Variants in ODR4 observed in about 807,000 individuals in gnomAD.
The protein encoded by ODR4 is odr-4 GPCR localization factor homolog.
In ODR4, 47 loss-of-function variants were observed where a neutral mutation model predicts 60.2. That is an observed-to-expected ratio of 0.78 (90% CI 0.62 to 1.00). The LOEUF (loss-of-function observed/expected upper bound fraction) is 1.00, where lower values mean the gene tolerates loss of function less well. Ranked by LOEUF, ODR4 falls within the 50% of genes least tolerant of loss-of-function variation. The probability of loss-of-function intolerance (pLI) is 0.00; values close to 1 mark genes in which losing one functional copy is unlikely to be tolerated. For missense variants in ODR4, 488 were observed against 530.8 expected, an observed-to-expected ratio of 0.92 and a Z score of 0.79; for synonymous variants, 178 against 175.5, an observed-to-expected ratio of 1.01 and a Z score of -0.11.
At position 186,393,936 on chromosome 1, in the gene ODR4, T is replaced by C; in HGVS notation, c.712-11T>C. On this transcript the variant is annotated splice_polypyrimidine_tract_variant and intron_variant, in intron 8 of 13. Coordinates refer to ENST00000287859, the MANE Select transcript of ODR4 (RefSeq NM_017847.6). ...TCACAGTTTGGCTTTTTAACTTTTG[T>C]GTTTTTTCAGAAAAAATCTTCTAGA... is the stretch of plus-strand genomic sequence containing the variant. 6.8e-7 allele frequency: 1 copy of C among 1,477,432 alleles called. No homozygotes were observed. The highest frequency in any genetic ancestry group is 1.2e-5 in the South Asian group (1 of 81,568). The allele number at this position is 1,477,432 out of a possible 1,614,324, so 91.5% of individuals were successfully genotyped here. A position where few individuals can be genotyped will look rare whatever the true frequency, so the allele number is the denominator to read the frequency against.
chr1:186,391,987 C>T (rs995220872), intron 8 of ODR4, among the ~76,000 whole-genome samples, 196 bp downstream of exon 8: 1 of 152,070 alleles, frequency 6.6e-6, no homozygotes, highest in Non-Finnish European at 1.5e-5. Context: ...TATGAACAGA[C>T]ACTTTTCAAA....
At chr1:186,398,798 T>C (rs1428541117) in intron 10 of ODR4, among the ~76,000 whole-genome samples, 156 bp from the exon 11 acceptor site, 1 of 152,198 alleles carries the variant, frequency 6.6e-6, no homozygotes, top group Non-Finnish European at 1.5e-5. Context: ...TGTTAATAAG[T>C]GTGCTAAATA....
At chr1:186,386,994 G>C (rs1660276837) in intron 4 of ODR4, among the ~76,000 whole-genome samples, 1 of 152,116 alleles carries the variant, frequency 6.6e-6, no homozygotes. Flanking sequence ...AGCTCTTTTA[G>C]CATTCAGGAT....
rs1365175478 is a variant in ODR4, at chr1:186,382,994, T to A, written c.100-28T>A. Reference sequence around the variant, plus strand: ...TAGATTGAGGAATCAGATATCACTCTAACAAGCTTTTTAATTTGTTGTTGA... The same window carrying A: ...TAGATTGAGGAATCAGATATCACTCAAACAAGCTTTTTAATTTGTTGTTGA... On this transcript the variant is annotated intron_variant, in intron 2 of 13. Transcript: ENST00000287859. 1.9e-6 allele frequency: 3 copies of A among 1,566,174 alleles called. No homozygotes were observed. In the South Asian group the frequency reaches 3.6e-5, roughly 19 times the overall value.
chr1:186,423,534 G>A (rs572498315), downstream of ODR4, among the ~76,000 whole-genome samples: 4 of 142,272 alleles, frequency 2.8e-5, no homozygotes, highest in South Asian at 2.3e-4. Context: ...GGCTCACTGC[G>A]GTCTCCATCT....
intron 5 of ODR4, 44 bp from the exon 6 acceptor site, chr1:186,389,544 C>T (rs146996047): frequency 5.0e-6 from 7 of 1,412,518 alleles, no homozygotes; most frequent in African/African-American, 1.5e-5. Flanking sequence ...CTTTTAGTTA[C>T]CAATAATGCC....
At chr1:186,402,214 C>CTTTCTTTCTTTCT (rs1461981227) in intron 11 of ODR4, among the ~76,000 whole-genome samples, 6 of 148,530 alleles carry the variant, frequency 4.0e-5, no homozygotes, top group Non-Finnish European at 7.4e-5. Flanking sequence ...TTCTTTCTTT[C>CTTTCTTTCTTTCT]TTTCTTTCTT....
chr1:186,391,953 C>T (rs1660484197), intron 8 of ODR4, among the ~76,000 whole-genome samples, 162 bp downstream of exon 8: 2 of 152,072 alleles, frequency 1.3e-5, no homozygotes, highest in Admixed American at 1.3e-4. Context: ...AGAAAAACAA[C>T]CTCATTAAAA....
chr1:186,399,754 A>G (rs984716179), intron 11 of ODR4, among the ~76,000 whole-genome samples: 13 of 152,126 alleles, frequency 8.5e-5, no homozygotes, highest in Non-Finnish European at 4.4e-5. Flanking sequence ...TACTATTTAT[A>G]TAAACTACAC....
downstream of ODR4, among the ~76,000 whole-genome samples, chr1:186,426,354 G>A (rs538715858): frequency 1.1e-4 from 16 of 152,324 alleles, no homozygotes; most frequent in African/African-American, 3.4e-4. Flanking sequence ...CCTGCTCCAC[G>A]TGATGCTGTG....
At chr1:186,413,735 C>T (rs980185286) in intron 12 of ODR4, among the ~76,000 whole-genome samples, 4 of 152,106 alleles carry the variant, frequency 2.6e-5, no homozygotes, top group East Asian at 1.9e-4. Context: ...ATGGCTACAT[C>T]GCTGACTATA....
chr1:186,427,007 G>A, the ODR4 span, among the ~76,000 whole-genome samples: 3 of 152,144 alleles, frequency 2.0e-5, no homozygotes, highest in Admixed American at 6.5e-5. Flanking sequence ...TGACCTTTCA[G>A]CCATAATCTT....
the ODR4 span, among the ~76,000 whole-genome samples, chr1:186,434,750 A>G: frequency 2.6e-5 from 4 of 152,174 alleles, no homozygotes; most frequent in Admixed American, 6.5e-5. Context: ...ACAGTTTATT[A>G]TGTAAGTCTC....
At chr1:186,422,611 G>A (rs1661812529), downstream of ODR4, among the ~76,000 whole-genome samples, 2 of 151,964 alleles carry the variant, frequency 1.3e-5, no homozygotes, top group Admixed American at 6.6e-5. Flanking sequence ...CAGTAATAAA[G>A]GTTAATTTTT....
At chr1:186,407,328 A>G (rs1044717037) in intron 12 of ODR4, among the ~76,000 whole-genome samples, 1 of 152,136 alleles carries the variant, frequency 6.6e-6, no homozygotes, top group Non-Finnish European at 1.5e-5. Context: ...TTGAAAGTAG[A>G]CTGGTAAAAA....
intron 12 of ODR4, among the ~76,000 whole-genome samples, chr1:186,410,559 G>A (rs1661339853): frequency 6.6e-6 from 1 of 152,200 alleles, no homozygotes; most frequent in South Asian, 2.1e-4. Context: ...TGCAGAGAAT[G>A]TAGTAAGGTC....
chr1:186,402,238 T>TCCTTC (rs1165617149), intron 11 of ODR4, among the ~76,000 whole-genome samples: 1 of 145,570 alleles, frequency 6.9e-6, no homozygotes, highest in African/African-American at 2.5e-5. Flanking sequence ...TTCTTTCCTT[T>TCCTTC]CTTTCTTTCT....
intron 12 of ODR4, among the ~76,000 whole-genome samples, chr1:186,408,972 GT>G (rs1278556433): frequency 6.6e-6 from 1 of 151,566 alleles, no homozygotes; most frequent in African/African-American, 2.4e-5. Flanking sequence ...GTTTAAGACT[GT>G]TTTATTCAGT....
chr1:186,429,526 C>T, the ODR4 span, among the ~76,000 whole-genome samples: 1 of 151,398 alleles, frequency 6.6e-6, no homozygotes, highest in Admixed American at 6.6e-5. Context: ...ATAGTTACTA[C>T]AAAAAAAAAT....
Sources: gnomAD v4.1 joint callset for allele counts (sites outside exome capture counted in the v4.1 genomes callset) on GRCh38, gnomAD v4.1.1 for gene constraint, MANE v1.5 for transcripts, NCBI Gene and HGNC (gene_info 2026-07-23, HGNC 2026-07-21) for gene names.